The following HERC1 variants were observed in gnomAD, a reference collection of about 807,000 sequenced individuals.
HERC1 encodes HECT and RLD domain containing E3 ubiquitin protein ligase family member 1.
A neutral mutation model predicts 554.3 loss-of-function variants in HERC1; 160 were observed. The ratio of observed to expected loss-of-function variants is 0.29; its 90% CI spans 0.25 to 0.33. The LOEUF (loss-of-function observed/expected upper bound fraction) is 0.33, where lower values mean the gene tolerates loss of function less well. HERC1 is among the 10% of genes least tolerant of loss of function. The pLI is 1.00. For missense variants in HERC1, 4,919 were observed against 5,918.5 expected, an observed-to-expected ratio of 0.83 and a Z score of 5.54; for synonymous variants, 2,175 against 2,131.7, an observed-to-expected ratio of 1.02 and a Z score of -0.56.
intron 1 of HERC1, among the ~76,000 whole-genome samples, chr15:63,779,325 T>C (rs1331864182): frequency 1.3e-5 from 2 of 152,084 alleles, no homozygotes; most frequent in African/African-American, 4.8e-5. Context: ...CTATTATATT[T>C]CAAAGACAAA....
rs770864894 is a variant in HERC1 at position 63,657,260 on chromosome 15, G to GTT, written c.9600-904_9600-903dup. Among the ~76,000 whole-genome samples the GTT allele has an allele frequency of 1.5e-3, 186 of 124,786 alleles. 2 individuals are homozygous for GTT. Among genetic ancestry groups the GTT allele is most frequent in the Middle Eastern group, 4.0e-3 (1 of 248 alleles). 81.9% of individuals were successfully genotyped at this position (124,786 alleles called of 152,430 possible). On this transcript the variant is annotated intron_variant, in intron 48 of 77. Transcript: ENST00000443617. ...CTCATTGGTGGGTTTTTTGTCTTAG[G>GTT]TTTTTTTTTTTTTTTTTTTGAGACA... is the stretch of plus-strand genomic sequence containing the variant.
intron 21 of HERC1, among the ~76,000 whole-genome samples, chr15:63,717,696 C>A (rs1227683553): frequency 2.6e-5 from 4 of 152,060 alleles, no homozygotes; most frequent in African/African-American, 9.7e-5. Context: ...CACGGTGAAA[C>A]CCCATGTCTA....
intron 18 of HERC1, 116 bp downstream of exon 18, chr15:63,725,176 C>A: frequency 1.2e-6 from 1 of 864,310 alleles, no homozygotes. Flanking sequence ...ATTCCCTACA[C>A]TGCTAATGTT....
At chr15:63,823,275 G>A (rs572187484) in intron 1 of HERC1, among the ~76,000 whole-genome samples, 1 of 152,238 alleles carries the variant, frequency 6.6e-6, no homozygotes, top group East Asian at 1.9e-4. Context: ...ACTCAATCTT[G>A]GGGAGGGGGC....
chr15:63,792,292 C>T (rs897754690), intron 1 of HERC1, among the ~76,000 whole-genome samples: 3 of 152,222 alleles, frequency 2.0e-5, no homozygotes, highest in African/African-American at 7.2e-5. Flanking sequence ...AAATAATCTC[C>T]GAAGTCCTTT....
intron 24 of HERC1, among the ~76,000 whole-genome samples, chr15:63,708,629 G>A (rs941006358): frequency 6.6e-5 from 10 of 152,058 alleles, no homozygotes; most frequent in African/African-American, 1.9e-4. Flanking sequence ...TAGATAACAC[G>A]TCATATAATA....
At chr15:63,785,545 G>T (rs898482112) in intron 1 of HERC1, among the ~76,000 whole-genome samples, 1 of 152,182 alleles carries the variant, frequency 6.6e-6, no homozygotes, top group Admixed American at 6.5e-5. Context: ...AAGGTGGGCG[G>T]ATCACTTGAG....
At chr15:63,713,741 C>CA in intron 22 of HERC1, 76 bp from the exon 23 acceptor site, 2 of 1,373,080 alleles carry the variant, frequency 1.5e-6, no homozygotes, top group Non-Finnish European at 2.0e-6. Context: ...TAAAAATAGT[C>CA]AAAAAGTTTG....
At chr15:63,704,027 A>G (rs535301299) in intron 25 of HERC1, among the ~76,000 whole-genome samples, 38 of 152,296 alleles carry the variant, frequency 2.5e-4, no homozygotes, top group African/African-American at 8.2e-4. Context: ...ATGGCTCCCA[A>G]ACAGTTCTCA....
At chr15:63,706,634 T>A (rs1789491174) in intron 25 of HERC1, 146 bp downstream of exon 25, 1 of 442,692 alleles carries the variant, frequency 2.3e-6, no homozygotes, top group African/African-American at 2.0e-5. Flanking sequence ...GATTCTGAAA[T>A]TTTTTGCAGT....
At position 63,689,693 on chromosome 15, in the gene HERC1, C is replaced by T. The variant is rs2071991919; in HGVS notation, c.5944G>A (p.Glu1982Lys). The change falls in exon 33 of 78, where the codon GAG (glutamate) becomes AAG (lysine). Residue 1982 changes from glutamate (E) to lysine (K), a missense_variant. This residue lies in a region of HERC1 where 1,121 missense variants were observed against 1,244.0 expected (regional missense o/e 0.90). Coordinates refer to ENST00000443617, the MANE Select transcript of HERC1 (RefSeq NM_003922.4). The part of the protein sequence containing the change: ...VEDDQMAQIV[E>K]RLFSLLSDCM... ...TCAGAGAGAAGGGAAAATAAGCGCT[C>T]AACAATCTGTTTTATTGAAGAAAAA... 1 of 1,552,694 alleles carries T rather than the reference C, an allele frequency of 6.4e-7. No individual in the cohort carries two copies. Among genetic ancestry groups the T allele is most frequent in the Non-Finnish European group, 8.7e-7 (1 of 1,145,146 alleles).
At chr15:63,645,981 T>C (rs955582030) in intron 55 of HERC1, among the ~76,000 whole-genome samples, 3 of 152,328 alleles carry the variant, frequency 2.0e-5, no homozygotes, top group African/African-American at 7.2e-5. Context: ...TCATTAGCAT[T>C]TGTATTTATT....
chr15:63,625,943 A>G, intron 71 of HERC1, 42 bp downstream of exon 71: 1 of 1,576,664 alleles, frequency 6.3e-7, no homozygotes, highest in Non-Finnish European at 8.6e-7. Context: ...ACTGCTTACC[A>G]AGCCAGTCTG....
At chr15:63,678,498 G>T in intron 36 of HERC1, 133 bp from the exon 37 acceptor site, 1 of 1,048,138 alleles carries the variant, frequency 9.5e-7, no homozygotes, top group Non-Finnish European at 1.3e-6. Context: ...ATACCAACTG[G>T]CCCCCAAAGA....
At chr15:63,681,566 G>A (rs1256491750) in intron 34 of HERC1, among the ~76,000 whole-genome samples, 1 of 151,710 alleles carries the variant, frequency 6.6e-6, no homozygotes, top group Non-Finnish European at 1.5e-5. Flanking sequence ...GAATTTGACT[G>A]GTAAAGTTTC....
intron 1 of HERC1, among the ~76,000 whole-genome samples, chr15:63,795,432 G>A (rs1267993100): frequency 6.6e-6 from 1 of 152,096 alleles, no homozygotes; most frequent in Non-Finnish European, 1.5e-5. Context: ...AGATAAAATT[G>A]AGAGGAAAAA....
chr15:63,819,922 G>T (rs1413061319), intron 1 of HERC1, among the ~76,000 whole-genome samples: 1 of 152,078 alleles, frequency 6.6e-6, no homozygotes, highest in Non-Finnish European at 1.5e-5. Flanking sequence ...TGCAAATAAG[G>T]TTTTACCCCA....
chr15:63,697,937 A>T (rs958214414), intron 26 of HERC1, among the ~76,000 whole-genome samples: 4 of 152,196 alleles, frequency 2.6e-5, no homozygotes, highest in African/African-American at 9.6e-5. Context: ...GGACATGTTA[A>T]AACCACAATA....
At position 63,694,684 on chromosome 15, in the gene HERC1, G is replaced by C; in HGVS notation, c.5242+90C>G. The C allele has an allele frequency of 6.4e-7, 1 of 1,553,198 alleles. No individual in the cohort carries two copies. Among genetic ancestry groups the C allele is most frequent in the Non-Finnish European group, 8.9e-7 (1 of 1,125,264 alleles). ...TTTACCTATAAGTTTATCTACTAAT[G>C]TTAAACACAAAATATAGAACATAAC... On this transcript the variant is annotated intron_variant, in intron 28 of 77. Coordinates refer to ENST00000443617, the MANE Select transcript of HERC1 (RefSeq NM_003922.4). This position sits in a 1 kb window ranked among gnomAD's most constrained non-coding sequence, Gnocchi z 4.3.
Sources: gnomAD v4.1 joint callset for allele counts (sites outside exome capture counted in the v4.1 genomes callset) on GRCh38, gnomAD v4.1.1 for gene constraint, gnomAD v4.1.1 regional missense constraint, Gnocchi (gnomAD v3.1) non-coding constraint, MANE v1.5 for transcripts, NCBI Gene and HGNC (gene_info 2026-07-23, HGNC 2026-07-21) for gene names.